Variants in SPATA21 observed in about 807,000 individuals in gnomAD.
SPATA21 encodes the protein spermatogenesis associated 21, also known as spermatogenesis-associated protein 21.
In SPATA21, 47 loss-of-function variants were observed where a neutral mutation model predicts 54.8. The observed-to-expected ratio is 0.86, with a 90% CI of 0.68 to 1.09. The LOEUF (loss-of-function observed/expected upper bound fraction) is 1.09, where lower values mean the gene tolerates loss of function less well. SPATA21 is among the 50% of genes least tolerant of loss of function. The pLI, the probability that SPATA21 is intolerant of heterozygous loss-of-function variation, is 0.00. For synonymous variants in SPATA21, 245 were observed against 235.3 expected, an observed-to-expected ratio of 1.04 and a Z score of -0.38; for missense variants, 599 against 596.4, an observed-to-expected ratio of 1.00 and a Z score of -0.05.
In SPATA21 at chr1:16,400,944, TCTC is replaced by T. The variant is rs774226796; in HGVS notation, c.1002-55_1002-53del. On this transcript the variant is annotated intron_variant, in intron 10 of 12. Coordinates refer to ENST00000335496, the MANE Select transcript of SPATA21 (RefSeq NM_198546.1). ...AGCCTGGCTGTGTTTAATTCACCCT[TCTC>T]CTCCTCAGCCCCTATCTCTCTGGCC... is the stretch of plus-strand genomic sequence containing the variant. 149 of 1,577,904 alleles carry T rather than the reference TCTC, an allele frequency of 9.4e-5. No homozygotes were observed. The East Asian group carries it at 1.0e-3, about 11-fold the overall frequency.
chr1:16,417,872 C>T (rs1175390350), intron 5 of SPATA21, among the ~76,000 whole-genome samples: 1 of 152,158 alleles, frequency 6.6e-6, no homozygotes, highest in Non-Finnish European at 1.5e-5. Context: ...CTGCACCTGG[C>T]CCTGGGCGCC....
downstream of SPATA21, chr1:16,396,021 CAG>C (rs1443344386): frequency 6.5e-6 from 1 of 152,712 alleles, no homozygotes; most frequent in African/African-American, 2.4e-5. Flanking sequence ...CCATACCCCT[CAG>C]GGTGGTTCCC....
chr1:16,431,342 C>T lies in SPATA21; in HGVS notation c.30G>A (p.Thr10=), dbSNP rs772381252. The change falls in exon 3 of 13, where the codon ACG becomes ACA. Residue 10 remains threonine (T), a synonymous_variant. Coordinates refer to ENST00000335496, the MANE Select transcript of SPATA21 (RefSeq NM_198546.1). ...TCCCTGGAGCCTTGGTTCTACCCTC[C>T]GTGTACATCTGGGTGTTTCTATTGT... MDNRNTQMY[T]EEEKTVNPFL... is the part of the protein sequence containing the mutation. The T allele has an allele frequency of 1.5e-5, 24 of 1,613,974 alleles. No homozygotes were observed. The highest frequency in any genetic ancestry group is 3.3e-4 in the Middle Eastern group (2 of 6,084).
intron 3 of SPATA21, 78 bp downstream of exon 3, chr1:16,431,260 T>C: frequency 2.5e-6 from 4 of 1,613,538 alleles, no homozygotes; most frequent in Non-Finnish European, 3.4e-6. Flanking sequence ...ACTCCTGGTA[T>C]GATGGGCTCA....
In SPATA21 at chr1:16,410,957, CCT is replaced by C. The variant is rs575831442; in HGVS notation, c.145-916_145-915del. On this transcript the variant is annotated intron_variant, in intron 5 of 12. Coordinates refer to ENST00000335496, the MANE Select transcript of SPATA21 (RefSeq NM_198546.1). ...CATTATGAGGGCAGGATCTTGGCTG[CCT>C]CTTTTATTCCTGTACACCCACTTCT... 4.6e-4 allele frequency: 98 copies of C among 213,386 alleles called. 1 individual carries two copies. The highest frequency in any genetic ancestry group is 2.2e-3 in the African/African-American group (95 of 42,404). The allele number at this position is 213,386 out of a possible 1,614,324, so 13.2% of individuals were successfully genotyped here.
intron 3 of SPATA21, among the ~76,000 whole-genome samples, chr1:16,424,218 CA>C (rs2086253587): frequency 9.4e-6 from 1 of 106,408 alleles, no homozygotes; most frequent in Non-Finnish European, 1.9e-5. Flanking sequence ...GAGGCTGAGG[CA>C]GGAGAATGGC....
At chr1:16,398,446 G>C (rs1027261712), downstream of SPATA21, among the ~76,000 whole-genome samples, 1 of 152,222 alleles carries the variant, frequency 6.6e-6, no homozygotes, top group Non-Finnish European at 1.5e-5. Flanking sequence ...TCCCAGTCCA[G>C]AGGGGGATGT....
chr1:16,404,158 A>G (rs781669937), intron 8 of SPATA21, 119 bp from the exon 9 acceptor site: 30 of 805,442 alleles, frequency 3.7e-5, no homozygotes, highest in Non-Finnish European at 4.7e-5. Context: ...GTGCATACTC[A>G]ATGCAGAAAA....
intron 7 of SPATA21, among the ~76,000 whole-genome samples, chr1:16,406,805 C>T (rs2085656837): frequency 6.6e-6 from 1 of 152,142 alleles, no homozygotes; most frequent in Admixed American, 6.6e-5. Context: ...GTTGCCCATT[C>T]ACAGATGAAA....
chr1:16,432,089 T>TTTTTG (rs1319615146), intron 2 of SPATA21, among the ~76,000 whole-genome samples: 127 of 150,802 alleles, frequency 8.4e-4, no homozygotes, highest in African/African-American at 2.9e-3. Context: ...TTTCTTTTTC[T>TTTTTG]TTTTCTTTTC....
chr1:16,407,657 A>C (rs1025071851), intron 7 of SPATA21, among the ~76,000 whole-genome samples: 1 of 151,912 alleles, frequency 6.6e-6, no homozygotes, highest in Non-Finnish European at 1.5e-5. Flanking sequence ...ACAGGGTTTC[A>C]CCATGTTGGT....
chr1:16,415,644 C>T (rs2085981685), intron 5 of SPATA21, among the ~76,000 whole-genome samples: 1 of 152,048 alleles, frequency 6.6e-6, no homozygotes, highest in Admixed American at 6.5e-5. Flanking sequence ...ACTGCAAGCT[C>T]CACCTCCCGG....
rs536173697 is a variant in SPATA21 at position 16,408,589 on chromosome 1, G to A, written c.673+529C>T. 42 of 957,598 alleles carry A rather than the reference G, an allele frequency of 4.4e-5. No homozygotes were observed. In the East Asian group the frequency reaches 4.3e-3, roughly 97 times the overall value. The allele number at this position is 957,598 out of a possible 1,614,324, so 59.3% of individuals were successfully genotyped here. ...GACTTCGAGTCAGAAGACCTAGCACGAGGCTGGGCGCGGTGGCTCACGCCT... is the reference window on the plus strand; with the variant it reads ...GACTTCGAGTCAGAAGACCTAGCACAAGGCTGGGCGCGGTGGCTCACGCCT... On this transcript the variant is annotated intron_variant, in intron 7 of 12. Coordinates refer to ENST00000335496, the MANE Select transcript of SPATA21 (RefSeq NM_198546.1).
At position 16,437,157 on chromosome 1, in the gene SPATA21, A is replaced by AT. The variant is rs1242418989; in HGVS notation, c.-217dup. On this transcript the variant is annotated 5_prime_UTR_variant, in exon 1 of 13. The change creates a premature stop within an existing upstream ORF in the 5' untranslated region. Coordinates refer to ENST00000335496, the MANE Select transcript of SPATA21 (RefSeq NM_198546.1). ...AATCAGCTGGATGAGTCACAGTGAG[A>AT]TTTTCCACCCCTGCTCACCGCCTTG... 5 of 152,246 alleles carry AT rather than the reference A, an allele frequency of 3.3e-5. No individual in the cohort carries two copies. Among genetic ancestry groups the AT allele is most frequent in the Non-Finnish European group, 7.3e-5 (5 of 68,120 alleles). The allele number at this position is 152,246 out of a possible 1,614,324, so 9.4% of individuals were successfully genotyped here. A position where few individuals can be genotyped will look rare whatever the true frequency, so the allele number is the denominator to read the frequency against.
intron 11 of SPATA21, among the ~76,000 whole-genome samples, chr1:16,400,127 A>G (rs1440661288): frequency 6.6e-6 from 1 of 151,984 alleles, no homozygotes; most frequent in Non-Finnish European, 1.5e-5. Context: ...CCCGGGTTCA[A>G]GCGATTCTCC....
intron 10 of SPATA21, 50 bp downstream of exon 10, chr1:16,403,677 G>T: frequency 6.6e-7 from 1 of 1,512,512 alleles, no homozygotes; most frequent in South Asian, 1.1e-5. Context: ...AATGCTAGAT[G>T]CCACCTCTGT....
chr1:16,398,888 A>C, intron 12 of SPATA21, 66 bp from the exon 13 acceptor site: 1 of 1,533,298 alleles, frequency 6.5e-7, no homozygotes, highest in Non-Finnish European at 8.9e-7. Context: ...CCAGTATATG[A>C]GCCATCTGTG....
At chr1:16,416,095 G>A (rs578017979) in intron 5 of SPATA21, among the ~76,000 whole-genome samples, 15 of 152,254 alleles carry the variant, frequency 9.9e-5, no homozygotes, top group Admixed American at 6.5e-4. Context: ...TGCTACCCCC[G>A]AGCCTGCAGG....
At chr1:16,405,563 A>G (rs1354358312) in intron 7 of SPATA21, among the ~76,000 whole-genome samples, 5 of 151,292 alleles carry the variant, frequency 3.3e-5, no homozygotes, top group Middle Eastern at 3.5e-3. Context: ...GGGGAGGCTC[A>G]GACAGTAGGA....
Sources: allele counts gnomAD v4.1 joint callset (sites outside exome capture counted in the v4.1 genomes callset), GRCh38; gene constraint gnomAD v4.1.1; transcripts MANE v1.5; gene names NCBI Gene and HGNC (gene_info 2026-07-23, HGNC 2026-07-21).